Variants in RELN observed in about 807,000 individuals in gnomAD.
RELN encodes the protein reelin.
In RELN, 108 loss-of-function variants were observed where a neutral mutation model predicts 427.6. The ratio of observed to expected loss-of-function variants is 0.25; its 90% CI spans 0.22 to 0.30. RELN has a LOEUF of 0.30. Among genes scored for constraint, RELN ranks in the 10% least tolerant of loss-of-function variants. The pLI, the probability that RELN is intolerant of heterozygous loss-of-function variation, is 1.00. For synonymous variants in RELN, 1,524 were observed against 1,513.4 expected, an observed-to-expected ratio of 1.01 and a Z score of -0.16; for missense variants, 3,715 against 4,302.8, an observed-to-expected ratio of 0.86 and a Z score of 3.82.
chr7:103,807,548 T>G (rs752537790), intron 3 of RELN, among the ~76,000 whole-genome samples: 1 of 152,148 alleles, frequency 6.6e-6, no homozygotes, highest in Non-Finnish European at 1.5e-5. Context: ...GGTGTACCAA[T>G]GATCCCATCA....
At chr7:103,838,953 G>A (rs562054466) in intron 2 of RELN, among the ~76,000 whole-genome samples, 3 of 152,318 alleles carry the variant, frequency 2.0e-5, no homozygotes, top group East Asian at 3.9e-4. Context: ...GGCACCAGGA[G>A]ATTTAATAAA....
At chr7:103,750,581 A>G (rs147264679) in intron 5 of RELN, among the ~76,000 whole-genome samples, 2 of 152,292 alleles carry the variant, frequency 1.3e-5, no homozygotes, top group East Asian at 3.9e-4. Flanking sequence ...TAAAGCATGG[A>G]ATTGGATAGA....
chr7:103,943,848 C>CAA (rs10631941), intron 1 of RELN, among the ~76,000 whole-genome samples: 1,909 of 76,136 alleles, frequency 0.025, 78 homozygotes, highest in African/African-American at 0.057. Context: ...ATTCTGTCTC[C>CAA]AAAAAAAAAA....
In RELN at chr7:103,553,926, A is replaced by G. The variant is rs1584290028; in HGVS notation, c.5798-95T>C. The G allele has an allele frequency of 1.5e-5, 15 of 1,033,130 alleles. No homozygotes were observed. The East Asian group carries it at 3.6e-4, about 25-fold the overall frequency. The allele number at this position is 1,033,130 out of a possible 1,614,324, so 64.0% of individuals were successfully genotyped here. A position where few individuals can be genotyped will look rare whatever the true frequency, so the allele number is the denominator to read the frequency against. On this transcript the variant is annotated intron_variant, in intron 38 of 64. Transcript: ENST00000428762. ...AGAAAGCAAAGGACAAAAGCAACTCAGTAACAATAGGTTAAACATATGCCT... is the reference window on the plus strand; with the variant it reads ...AGAAAGCAAAGGACAAAAGCAACTCGGTAACAATAGGTTAAACATATGCCT...
At position 103,835,954 on chromosome 7, in the gene RELN, C is replaced by CTTTTTTTTTTTTTTTT. The variant is rs10569884; in HGVS notation, c.338-2298_338-2283dup. Among the ~76,000 whole-genome samples, 123 of 142,432 alleles carry CTTTTTTTTTTTTTTTT rather than the reference C, an allele frequency of 8.6e-4. 1 individual carries two copies. The highest frequency in any genetic ancestry group is 3.1e-3 in the African/African-American group (121 of 38,558). The allele number at this position is 142,432 out of a possible 152,430, so 93.4% of individuals were successfully genotyped here. Reference sequence around the variant, plus strand: ...TCTCTTTACAAAACTCTCAATTACCCTTTTTTTTTTTTTTTTTTATAGGCG... The same window carrying CTTTTTTTTTTTTTTTT: ...TCTCTTTACAAAACTCTCAATTACCCTTTTTTTTTTTTTTTTTTTTTTTTTTTTTTTTTTATAGGCG... On this transcript the variant is annotated intron_variant, in intron 2 of 64. Coordinates refer to ENST00000428762, the MANE Select transcript of RELN (RefSeq NM_005045.4).
rs113913170 is a variant in RELN, at chr7:103,523,545, G to A, written c.7350-14C>T. ...GTGGCTTGGGACCTTTGAAGAAGAT[G>A]AGAATTTTAATGAAGGATGCTGTGG... is the stretch of plus-strand genomic sequence containing the variant. On this transcript the variant is annotated splice_polypyrimidine_tract_variant and intron_variant, in intron 46 of 64. Coordinates refer to ENST00000428762, the MANE Select transcript of RELN (RefSeq NM_005045.4). 6.2e-6 allele frequency: 10 copies of A among 1,614,018 alleles called. No individual in the cohort carries two copies. Among genetic ancestry groups the A allele is most frequent in the African/African-American group, 2.7e-5 (2 of 75,000 alleles).
chr7:103,871,530 T>C (rs976091492), intron 2 of RELN, among the ~76,000 whole-genome samples: 1 of 152,138 alleles, frequency 6.6e-6, no homozygotes, highest in African/African-American at 2.4e-5. Flanking sequence ...TTTAGGTCTC[T>C]AGTTTCAGAG....
intron 11 of RELN, among the ~76,000 whole-genome samples, chr7:103,677,584 A>G (rs1314984530): frequency 6.7e-6 from 1 of 150,278 alleles, no homozygotes; most frequent in Admixed American, 6.6e-5. Flanking sequence ...TGGCTAACAT[A>G]GTGAAATCCC....
chr7:103,972,585 C>T (rs148328620), intron 1 of RELN, among the ~76,000 whole-genome samples: 3 of 151,994 alleles, frequency 2.0e-5, no homozygotes, highest in Non-Finnish European at 2.9e-5. Flanking sequence ...CAATGACTGG[C>T]GTTGGCCATC....
intron 49 of RELN, 134 bp from the exon 50 acceptor site, chr7:103,515,575 T>A: frequency 8.3e-7 from 1 of 1,198,140 alleles, no homozygotes. Context: ...GCTAAAATAA[T>A]TTTCAAAAAC....
In RELN at chr7:103,595,258, A is replaced by AT. The variant is rs1189825178; in HGVS notation, c.3540-767dup. 2.0e-5 allele frequency among the ~76,000 whole-genome samples: 3 copies of AT among 152,332 alleles called. 1 individual carries two copies. Among genetic ancestry groups the AT allele is most frequent in the African/African-American group, 7.2e-5 (3 of 41,588 alleles). On this transcript the variant is annotated intron_variant, in intron 25 of 64. Transcript: ENST00000428762. The stretch of plus-strand genomic sequence containing the variant: ...AAAATAATTTGAGTTATTTAAAATT[A>AT]TTGTTTAAGCCAGTTTGGCACCATT...
At chr7:103,807,193 G>T (rs896891975) in intron 3 of RELN, among the ~76,000 whole-genome samples, 1 of 152,050 alleles carries the variant, frequency 6.6e-6, no homozygotes, top group Non-Finnish European at 1.5e-5. Context: ...ATACAGTAAA[G>T]AATTTTTTAA....
At chr7:103,804,001 C>T (rs140477069) in intron 3 of RELN, among the ~76,000 whole-genome samples, 13 of 152,040 alleles carry the variant, frequency 8.6e-5, no homozygotes, top group Admixed American at 3.9e-4. Context: ...CTTCAAATGA[C>T]GTGTCATTGG....
At chr7:103,513,772 C>CA (rs888606149) in intron 50 of RELN, 2 of 151,306 alleles carry the variant, frequency 1.3e-5, no homozygotes, top group African/African-American at 4.9e-5. Context: ...TAATTCTAAA[C>CA]AAAAAAAGAA....
intron 1 of RELN, among the ~76,000 whole-genome samples, chr7:103,982,270 G>A (rs900601347): frequency 3.9e-5 from 6 of 152,000 alleles, no homozygotes; most frequent in Non-Finnish European, 8.8e-5. Flanking sequence ...TATGAACACG[G>A]GTCTATCTTC....
chr7:103,931,639 C>T (rs1252668516), intron 1 of RELN, among the ~76,000 whole-genome samples: 2 of 152,210 alleles, frequency 1.3e-5, no homozygotes, highest in Admixed American at 6.5e-5. Flanking sequence ...TCCCTTATGA[C>T]TCTTCTATCT....
chr7:103,530,343 T>C (rs2283018), intron 46 of RELN, among the ~76,000 whole-genome samples: 8,763 of 152,308 alleles, frequency 0.058, 356 homozygotes, highest in East Asian at 0.21. Flanking sequence ...AATTAGTGAC[T>C]GGGTTTTAAT....
At chr7:103,975,038 C>A (rs1485123193) in intron 1 of RELN, among the ~76,000 whole-genome samples, 1 of 152,212 alleles carries the variant, frequency 6.6e-6, no homozygotes, top group African/African-American at 2.4e-5. Flanking sequence ...CATATTCTCA[C>A]AGAAGACATG....
intron 3 of RELN, among the ~76,000 whole-genome samples, chr7:103,793,102 GA>G (rs1395895101): frequency 1.3e-5 from 2 of 152,082 alleles, no homozygotes; most frequent in Non-Finnish European, 2.9e-5. Context: ...AACCAAAGTT[GA>G]ATTTCTATAT....
Sources: gnomAD v4.1 joint callset for allele counts (sites outside exome capture counted in the v4.1 genomes callset) on GRCh38, gnomAD v4.1.1 for gene constraint, MANE v1.5 for transcripts, NCBI Gene and HGNC (gene_info 2026-07-23, HGNC 2026-07-21) for gene names.